CAPN14: variants seen among roughly 807,000 people sequenced by gnomAD.
CAPN14 encodes the protein calpain 14.
CAPN14 carries 94 observed loss-of-function variants against 101.3 expected under a neutral mutation model. That is an observed-to-expected ratio of 0.93 (90% CI 0.79 to 1.10). The LOEUF (loss-of-function observed/expected upper bound fraction) is 1.10. Ranked by LOEUF, CAPN14 falls within the 50% of genes least tolerant of loss-of-function variation. The probability of loss-of-function intolerance (pLI) is 0.00; values close to 1 mark genes in which losing one functional copy is unlikely to be tolerated. For missense variants in CAPN14, 837 were observed against 828.4 expected (o/e 1.01, Z -0.13); for synonymous variants, 338 against 317.9 (o/e 1.06, Z -0.67).
Position 31,192,012 on chromosome 2 carries a change from C to T in CAPN14, c.1201G>A (p.Val401Met), listed in dbSNP as rs1167740802. 4 of 1,551,618 alleles carry T rather than the reference C, an allele frequency of 2.6e-6. No homozygotes were observed. Among genetic ancestry groups the T allele is most frequent in the East Asian group, 2.4e-5 (1 of 40,924 alleles). Residue 401 changes from valine to methionine, a missense_variant, in exon 11 of 22, where the codon GTG becomes ATG. Coordinates refer to ENST00000403897, the MANE Select transcript of CAPN14 (RefSeq NM_001145122.2). ...RRSLRPCSVL[V>M]SLLQKPRHRC... Reference sequence around the variant, plus strand: ...TGCCTGGGCTTCTGGAGCAGGGACACCAGCACGCTGCAGGGCCTCAGGGAT... The same window carrying T: ...TGCCTGGGCTTCTGGAGCAGGGACATCAGCACGCTGCAGGGCCTCAGGGAT...
chr2:31,188,988 T>C (rs181862313), intron 13 of CAPN14, among the ~76,000 whole-genome samples: 7 of 152,358 alleles, frequency 4.6e-5, no homozygotes, highest in African/African-American at 1.7e-4. Flanking sequence ...ACTGCTCATA[T>C]ATCTGTGTTC....
intron 17 of CAPN14, among the ~76,000 whole-genome samples, chr2:31,180,229 C>A: frequency 6.6e-6 from 1 of 152,180 alleles, no homozygotes; most frequent in African/African-American, 2.4e-5. Context: ...AGGGTCTGAT[C>A]TTGTTCAAGT....
chr2:31,181,218 C>T (rs937482680), intron 16 of CAPN14, among the ~76,000 whole-genome samples: 4 of 152,080 alleles, frequency 2.6e-5, no homozygotes, highest in African/African-American at 7.2e-5. Flanking sequence ...CCTGGTACGG[C>T]TTGGGTTTGC....
intron 16 of CAPN14, among the ~76,000 whole-genome samples, chr2:31,181,754 T>A (rs1680649021): frequency 7.2e-6 from 1 of 139,598 alleles, no homozygotes; most frequent in African/African-American, 2.7e-5. Flanking sequence ...TTCCCACCTA[T>A]GAGTGAGAAC....
At chr2:31,187,202 T>C (rs2148677813) in intron 15 of CAPN14, among the ~76,000 whole-genome samples, 1 of 152,278 alleles carries the variant, frequency 6.6e-6, no homozygotes, top group East Asian at 1.9e-4. Flanking sequence ...TAGGAGAGCA[T>C]GGCCTCCAGA....
rs542275737 is a variant in CAPN14 at position 31,223,598 on chromosome 2, G to A, written c.-53+2930C>T. On this transcript the variant is annotated intron_variant and NMD_transcript_variant, in intron 2 of 21. Coordinates refer to the CAPN14 transcript ENST00000398824. ...GGCTGGAGTGCAGTGGGACAATCTC[G>A]GCTCACTGCAGCCTCCGCCTCCTAG... Among the ~76,000 whole-genome samples, 17 of 141,950 alleles carry A rather than the reference G, an allele frequency of 1.2e-4. No individual in the cohort carries two copies. In the South Asian group the frequency reaches 3.7e-3, roughly 31 times the overall value. 93.1% of individuals were successfully genotyped at this position (141,950 alleles called of 152,430 possible).
chr2:31,186,988 A>C (rs1680929079), intron 15 of CAPN14, among the ~76,000 whole-genome samples: 1 of 152,224 alleles, frequency 6.6e-6, no homozygotes, highest in African/African-American at 2.4e-5. Flanking sequence ...AAACTTTAAC[A>C]AACAATACAT....
chr2:31,189,228 C>T lies in CAPN14; in HGVS notation c.1493+45G>A, dbSNP rs575162834. On this transcript the variant is annotated intron_variant, in intron 13 of 21. Coordinates refer to ENST00000403897, the MANE Select transcript of CAPN14 (RefSeq NM_001145122.2). ...CAACCTTGCCCTCCTTGCCTGTCCT[C>T]GTCCAAGTGGTCCCCACCCTCTAGG... 22 of 1,525,244 alleles carry T rather than the reference C, an allele frequency of 1.4e-5. No individual in the cohort carries two copies. The South Asian group carries it at 1.8e-4, about 12-fold the overall frequency. The allele number at this position is 1,525,244 out of a possible 1,614,324, so 94.5% of individuals were successfully genotyped here. A position where few individuals can be genotyped will look rare whatever the true frequency, so the allele number is the denominator to read the frequency against.
chr2:31,191,449 G>C, intron 11 of CAPN14, 42 bp from the exon 12 acceptor site: 14 of 1,470,754 alleles, frequency 9.5e-6, no homozygotes, highest in Non-Finnish European at 1.3e-5. Flanking sequence ...AAAAAAAGAG[G>C]AGAGAGAGAT....
intron 1 of CAPN14, among the ~76,000 whole-genome samples, chr2:31,208,924 C>G (rs1017105034): frequency 1.3e-5 from 2 of 152,080 alleles, no homozygotes; most frequent in Non-Finnish European, 2.9e-5. Flanking sequence ...TTCCTTGGCT[C>G]CCCATAAGCT....
intron 10 of CAPN14, among the ~76,000 whole-genome samples, chr2:31,192,765 T>C (rs912623642): frequency 2.6e-4 from 40 of 151,864 alleles, no homozygotes; most frequent in African/African-American, 9.2e-4. Flanking sequence ...AGTTAGGGGG[T>C]GGTTACTTCA....
chr2:31,179,726 T>C (rs1680496185), intron 17 of CAPN14, among the ~76,000 whole-genome samples: 1 of 152,212 alleles, frequency 6.6e-6, no homozygotes, highest in Non-Finnish European at 1.5e-5. Flanking sequence ...CCAGCATCTA[T>C]TGTTTCCTTA....
In CAPN14 at chr2:31,199,502, C is replaced by T. The variant is rs1681643363; in HGVS notation, c.757G>A (p.Gly253Ser). 1 of 1,551,462 alleles carries T rather than the reference C, an allele frequency of 6.4e-7. No individual in the cohort carries two copies. The highest frequency in any genetic ancestry group is 1.2e-5 in the South Asian group (1 of 84,038). ...ATTCCTGTGAGAGTATAGGCATGGC[C>T]TTCCACCAGCCCATTCTCCAGAATC... ...EKILENGLVEGHAYTLTGIRK... is the reference protein window; with the variant it reads ...EKILENGLVESHAYTLTGIRK... The change falls in exon 7 of 22, where the codon GGC becomes AGC. Residue 253 changes from glycine to serine, a missense_variant. Gly to Ser is a moderately conservative substitution (Grantham distance 56). Transcript: ENST00000403897.
chr2:31,221,407 T>C (rs58364022), upstream of CAPN14, among the ~76,000 whole-genome samples: 8,064 of 152,270 alleles, frequency 0.053, 361 homozygotes, highest in African/African-American at 0.11. Context: ...GTACTTGGCA[T>C]TGTTTAATGG....
At chr2:31,189,974 C>A (rs2148680086) in intron 12 of CAPN14, among the ~76,000 whole-genome samples, 1 of 147,382 alleles carries the variant, frequency 6.8e-6, no homozygotes, top group South Asian at 2.2e-4. Context: ...CGACCACCTC[C>A]CCACCTACAC....
At chr2:31,225,100 A>T (rs1682980964) in intron 2 of CAPN14, among the ~76,000 whole-genome samples, 2 of 152,102 alleles carry the variant, frequency 1.3e-5, no homozygotes. Flanking sequence ...TGTAAAAATT[A>T]AAAACTCTTT....
chr2:31,229,961 A>C (rs1288860658), intron 1 of CAPN14, among the ~76,000 whole-genome samples: 4 of 152,154 alleles, frequency 2.6e-5, no homozygotes, highest in African/African-American at 9.7e-5. Flanking sequence ...GGCTTTATTC[A>C]CTCAACACCA....
In CAPN14 at chr2:31,217,479, T is replaced by A. The variant is rs1318615896; in HGVS notation, c.-76A>T. 1 of 152,196 alleles carries A rather than the reference T, an allele frequency of 6.6e-6. No individual in the cohort carries two copies. Among genetic ancestry groups the A allele is most frequent in the Non-Finnish European group, 1.5e-5 (1 of 68,032 alleles). The allele number at this position is 152,196 out of a possible 1,614,324, so 9.4% of individuals were successfully genotyped here. ...ACCTGCACAGGAGATTTTGCTTCTT[T>A]AAGCGCCTGGGCAAGCTCTAATCCC... is the stretch of plus-strand genomic sequence containing the variant. On this transcript the variant is annotated 5_prime_UTR_variant, in exon 1 of 22. Transcript: ENST00000403897.
chr2:31,191,459 T>C, intron 11 of CAPN14, 52 bp from the exon 12 acceptor site: 217 of 1,365,412 alleles, frequency 1.6e-4, no homozygotes, highest in Middle Eastern at 2.5e-4. Context: ...GAGAGAGAGA[T>C]CTCATTAAGC....
Sources: allele counts gnomAD v4.1 joint callset (sites outside exome capture counted in the v4.1 genomes callset), GRCh38; gene constraint gnomAD v4.1.1; transcripts MANE v1.5; gene names NCBI Gene and HGNC (gene_info 2026-07-23, HGNC 2026-07-21).